Variants in RSRP1 observed in about 807,000 individuals in gnomAD.
RSRP1 encodes arginine and serine rich protein 1, also known as arginine/serine-rich protein 1.
Under a neutral mutation model 33.0 loss-of-function variants are expected in RSRP1, and 37 were observed. The ratio of observed to expected loss-of-function variants is 1.12; its 90% CI spans 0.86 to 1.48. The LOEUF is 1.48. RSRP1 is among the 40% of genes most tolerant of loss of function. RSRP1 has a pLI of 0.00. For synonymous variants in RSRP1, 167 were observed against 158.7 expected (o/e 1.05, Z -0.40); for missense variants, 402 against 385.3 (o/e 1.04, Z -0.36).
chr1:25,246,269 C>G (rs1031555737), intron 2 of RSRP1, among the ~76,000 whole-genome samples, 175 bp downstream of exon 2: 1 of 152,144 alleles, frequency 6.6e-6, no homozygotes, highest in Non-Finnish European at 1.5e-5. Context: ...GACCTTTAAC[C>G]CTAAAGAGAA....
At chr1:25,243,870 ATT>A (rs1290716231) in intron 3 of RSRP1, 1 of 1,244,144 alleles carries the variant, frequency 8.0e-7, no homozygotes, top group Non-Finnish European at 1.0e-6. Context: ...ATTTAAACTA[ATT>A]TTTTAATCAG....
At chr1:25,261,740 C>A (rs182205797) in intron 1 of RSRP1, among the ~76,000 whole-genome samples, 1,824 of 117,190 alleles carry the variant, frequency 0.016, 18 homozygotes, top group Non-Finnish European at 0.021. Context: ...GAGATGGAGT[C>A]TTGCTGTGTT....
Position 25,305,283 on chromosome 1 carries a change from G to T in RSRP1, c.-67+32695C>A, listed in dbSNP as rs184912925. Among the ~76,000 whole-genome samples, 337 of 132,468 alleles carry T rather than the reference G, an allele frequency of 2.5e-3. 59 individuals carry two copies. Among genetic ancestry groups the T allele is most frequent in the African/African-American group, 8.3e-3 (319 of 38,528 alleles). The allele number at this position is 132,468 out of a possible 152,430, so 86.9% of individuals were successfully genotyped here. ...CAACCAGGAAACAGACATTCTAAAG[G>T]CATAGGGTCCACCCAGGAGCATGGT... On this transcript the variant is annotated intron_variant, in intron 1 of 1. Transcript: ENST00000561867.
At chr1:25,285,381 G>A (rs1317875739) in intron 1 of RSRP1, among the ~76,000 whole-genome samples, 21 of 134,576 alleles carry the variant, frequency 1.6e-4, no homozygotes, top group African/African-American at 4.4e-4. Flanking sequence ...TGATCCGCCC[G>A]CCTCGGCCTC....
rs1169915819 is a variant in RSRP1, at chr1:25,299,544, T to C, written c.-67+38434A>G. On this transcript the variant is annotated intron_variant, in intron 1 of 1. Coordinates refer to the RSRP1 transcript ENST00000561867. ...GTTACACCCTGGCTGGGGGTCAGCATTTCAGGCAGCTGAATGACCCAAAGT... is the reference window on the plus strand; with the variant it reads ...GTTACACCCTGGCTGGGGGTCAGCACTTCAGGCAGCTGAATGACCCAAAGT... Among the ~76,000 whole-genome samples the C allele has an allele frequency of 1.5e-5, 2 of 130,350 alleles. 1 individual carries two copies. Among genetic ancestry groups the C allele is most frequent in the Non-Finnish European group, 3.6e-5 (2 of 55,248 alleles). 85.5% of individuals were successfully genotyped at this position (130,350 alleles called of 152,430 possible).
At chr1:25,311,420 G>C (rs1279054651) in intron 1 of RSRP1, among the ~76,000 whole-genome samples, 2 of 131,144 alleles carry the variant, frequency 1.5e-5, no homozygotes, top group African/African-American at 5.2e-5. Flanking sequence ...AGCTACCTGG[G>C]AGGCTGAGGC....
chr1:25,243,532 A>G lies in RSRP1; in HGVS notation c.756+18T>C, dbSNP rs1335035614. The G allele has an allele frequency of 3.1e-6, 5 of 1,611,340 alleles. No individual in the cohort carries two copies. The highest frequency in any genetic ancestry group is 3.3e-5 in the Admixed American group (2 of 59,720). On this transcript the variant is annotated intron_variant, in intron 4 of 4. Transcript: ENST00000243189. The stretch of plus-strand genomic sequence containing the variant: ...CCTAAATCCAATTTTTGAGTGTTCA[A>G]TGCCTGGATATACTTACATTAGAGC...
In RSRP1 at chr1:25,286,703, G is replaced by A. The variant is rs560930937; in HGVS notation, c.-66-39674C>T. Among the ~76,000 whole-genome samples, 15 of 133,358 alleles carry A rather than the reference G, an allele frequency of 1.1e-4. 2 individuals are homozygous for A. The highest frequency in any genetic ancestry group is 3.4e-4 in the African/African-American group (13 of 38,336). The allele number at this position is 133,358 out of a possible 152,430, so 87.5% of individuals were successfully genotyped here. A position where few individuals can be genotyped will look rare whatever the true frequency, so the allele number is the denominator to read the frequency against. The stretch of plus-strand genomic sequence containing the variant: ...CGGGAGGCTGAGGCAGGAGAATGGC[G>A]TGAACCCGGGAGGCGGAGTTTGCAG... On this transcript the variant is annotated intron_variant, in intron 1 of 1. Coordinates refer to the RSRP1 transcript ENST00000561867.
chr1:25,301,679 T>G, intron 1 of RSRP1: 1 of 1,379,384 alleles, frequency 7.2e-7, no homozygotes, highest in Middle Eastern at 1.8e-4. Context: ...CAAGGGAAGA[T>G]CAGCAAGGTG....
chr1:25,244,506 A>G, intron 3 of RSRP1: 1 of 1,289,378 alleles, frequency 7.8e-7, no homozygotes, highest in Non-Finnish European at 1.0e-6. Context: ...TTTCTATAAG[A>G]CAGAAATAGA....
chr1:25,245,424 T>C, intron 2 of RSRP1, 123 bp from the exon 3 acceptor site: 1 of 1,312,762 alleles, frequency 7.6e-7, no homozygotes, highest in Non-Finnish European at 1.0e-6. Context: ...TCACTTGTTT[T>C]ATAATAGGTA....
chr1:25,306,884 T>C (rs1643881410), intron 1 of RSRP1: 2 of 818,410 alleles, frequency 2.4e-6, no homozygotes, highest in Admixed American at 3.9e-5. Flanking sequence ...AGAAATTCTG[T>C]CCAGCCCCTA....
chr1:25,260,808 T>G (rs1489253321), intron 1 of RSRP1, among the ~76,000 whole-genome samples: 1 of 151,738 alleles, frequency 6.6e-6, no homozygotes, highest in African/African-American at 2.4e-5. Context: ...CCTTTTTTTT[T>G]TTTTTTTGAG....
chr1:25,277,951 G>C (rs28537466), intron 1 of RSRP1, among the ~76,000 whole-genome samples: 2,060 of 133,378 alleles, frequency 0.015, 311 homozygotes, highest in African/African-American at 0.05. Context: ...TGGGATTACA[G>C]GCGTGAGCCA....
intron 1 of RSRP1, among the ~76,000 whole-genome samples, chr1:25,258,892 C>T (rs34654837): frequency 9.7e-4 from 147 of 152,266 alleles, no homozygotes; most frequent in Non-Finnish European, 1.7e-3. Flanking sequence ...ATCCAATGTT[C>T]GCGCAGGCAC....
At chr1:25,259,638 G>A (rs1443135570) in intron 1 of RSRP1, among the ~76,000 whole-genome samples, 1 of 152,000 alleles carries the variant, frequency 6.6e-6, no homozygotes, top group Non-Finnish European at 1.5e-5. Flanking sequence ...GAGTAGCTGG[G>A]ATTACAAGTG....
At position 25,320,124 on chromosome 1, in the gene RSRP1, C is replaced by A. The variant is rs1202559105; in HGVS notation, c.-67+17854G>T. Reference sequence around the variant, plus strand: ...TGTTGGTCATGCTGGTCTCGAACTCCTGACCTCAGGTGATCCGCCCACCTT... The same window carrying A: ...TGTTGGTCATGCTGGTCTCGAACTCATGACCTCAGGTGATCCGCCCACCTT... On this transcript the variant is annotated intron_variant, in intron 1 of 1. Transcript: ENST00000561867. Among the ~76,000 whole-genome samples the A allele has an allele frequency of 4.6e-5, 6 of 131,308 alleles. 2 individuals are homozygous for A. Among genetic ancestry groups the A allele is most frequent in the Non-Finnish European group, 3.6e-5 (2 of 55,504 alleles). 86.1% of individuals were successfully genotyped at this position (131,308 alleles called of 152,430 possible). A position where few individuals can be genotyped will look rare whatever the true frequency, so the allele number is the denominator to read the frequency against.
chr1:25,315,118 T>C (rs1374799803), intron 1 of RSRP1, among the ~76,000 whole-genome samples: 1 of 128,956 alleles, frequency 7.8e-6, no homozygotes, highest in African/African-American at 2.7e-5. Context: ...ATCACGCCAC[T>C]GCACTCCAGC....
At chr1:25,247,629 TG>T (rs1237713662), upstream of RSRP1, 2 of 152,240 alleles carry the variant, frequency 1.3e-5, no homozygotes, top group Non-Finnish European at 2.9e-5. Flanking sequence ...GCATGCGCGA[TG>T]GGGCTCCAGG....
Sources: allele counts gnomAD v4.1 joint callset (sites outside exome capture counted in the v4.1 genomes callset), GRCh38; gene constraint gnomAD v4.1.1; transcripts MANE v1.5; gene names NCBI Gene and HGNC (gene_info 2026-07-23, HGNC 2026-07-21).